The following NMT2 variants were observed in gnomAD, a reference collection of about 807,000 sequenced individuals.
NMT2 encodes N-myristoyltransferase 2.
Under a neutral mutation model 65.4 loss-of-function variants are expected in NMT2, and 35 were observed. The ratio of observed to expected loss-of-function variants is 0.54; its 90% CI spans 0.41 to 0.71. NMT2 has a LOEUF of 0.71. Among genes scored for constraint, NMT2 ranks in the 30% least tolerant of loss-of-function variants. NMT2 has a pLI of 0.00. For missense variants in NMT2, 489 were observed against 611.3 expected (o/e 0.80, Z 2.11); for synonymous variants, 226 against 231.8 (o/e 0.98, Z 0.23).
At chr10:15,167,027 C>A (rs1833399415) in intron 1 of NMT2, among the ~76,000 whole-genome samples, 1 of 152,200 alleles carries the variant, frequency 6.6e-6, no homozygotes, top group Admixed American at 6.5e-5. Context: ...TGAAGCTAAT[C>A]CATCAGCTTG....
intron 10 of NMT2, 76 bp downstream of exon 10, chr10:15,112,720 C>A: frequency 7.3e-7 from 1 of 1,366,846 alleles, no homozygotes. Context: ...TGGAAGAAAA[C>A]ACAGTAAGAT....
intron 10 of NMT2, 69 bp downstream of exon 10, chr10:15,112,727 A>G (rs937835735): frequency 3.6e-6 from 5 of 1,406,862 alleles, no homozygotes; most frequent in Non-Finnish European, 2.9e-6. Flanking sequence ...AAACACAGTA[A>G]GATGTCTTCT....
chr10:15,118,826 T>C (rs948315677), intron 9 of NMT2, among the ~76,000 whole-genome samples: 5 of 152,176 alleles, frequency 3.3e-5, no homozygotes, highest in Admixed American at 2.6e-4. Flanking sequence ...TGTGGTGAGC[T>C]ATTTGGCAAT....
intron 2 of NMT2, chr10:15,141,173 C>A: frequency 2.3e-6 from 2 of 851,818 alleles, no homozygotes; most frequent in South Asian, 3.4e-5. Context: ...AATCTAAATA[C>A]AAATTCACTG....
chr10:15,135,776 G>GC (rs1449318736), intron 2 of NMT2, among the ~76,000 whole-genome samples: 2 of 136,492 alleles, frequency 1.5e-5, no homozygotes, highest in African/African-American at 2.7e-5. Flanking sequence ...CACGAGCCTT[G>GC]GGTGGGGGGC....
chr10:15,165,370 G>A (rs7910847), intron 1 of NMT2, among the ~76,000 whole-genome samples: 1 of 152,014 alleles, frequency 6.6e-6, no homozygotes, highest in African/African-American at 2.4e-5. Flanking sequence ...TGCAAATCGT[G>A]TGTTAAAGTA....
At chr10:15,141,125 C>A in intron 2 of NMT2, 26 of 1,169,280 alleles carry the variant, frequency 2.2e-5, no homozygotes, top group Non-Finnish European at 3.2e-5. Context: ...TTCAAAAAAA[C>A]CTAACAAGCT....
rs1845417685 is a variant in NMT2, at chr10:15,109,137, G to T, written c.*58C>A. On this transcript the variant is annotated 3_prime_UTR_variant, in exon 12 of 12. Coordinates refer to ENST00000378165, the MANE Select transcript of NMT2 (RefSeq NM_004808.3). ...ATTCTTCTTTGGAATGGCAGTTCCA[G>T]AAATCATTAAATATTAACAAATGAT... The T allele has an allele frequency of 6.3e-7, 1 of 1,591,474 alleles. No homozygotes were observed. Among genetic ancestry groups the T allele is most frequent in the Non-Finnish European group, 8.5e-7 (1 of 1,173,144 alleles).
At chr10:15,144,909 A>C (rs1358296515) in intron 1 of NMT2, among the ~76,000 whole-genome samples, 1 of 152,230 alleles carries the variant, frequency 6.6e-6, no homozygotes, top group African/African-American at 2.4e-5. Flanking sequence ...TACATAACCA[A>C]GAGAAATGAA....
In NMT2 at chr10:15,106,817, G is replaced by A. The variant is rs1266869504; in HGVS notation, c.*2378C>T. 2.0e-5 allele frequency: 4 copies of A among 198,622 alleles called. No individual in the cohort carries two copies. Among genetic ancestry groups the A allele is most frequent in the African/African-American group, 4.7e-5 (2 of 42,348 alleles). The allele number at this position is 198,622 out of a possible 1,614,324, so 12.3% of individuals were successfully genotyped here. A position where few individuals can be genotyped will look rare whatever the true frequency, so the allele number is the denominator to read the frequency against. ...AGGCAATATGTAAATGAAAGTGGCT[G>A]TGGCCAAGAGTGGTGGCTCATGTCT... On this transcript the variant is annotated 3_prime_UTR_variant, in exon 12 of 12. Coordinates refer to ENST00000378165, the MANE Select transcript of NMT2 (RefSeq NM_004808.3).
chr10:15,133,332 T>C lies in NMT2; in HGVS notation c.423A>G (p.Glu141=). ...DEVITSHGAI[E]PDKDNVRQEP... ...CTTGGCGTACGTTGTCTTTATCTGG[T>C]TCAATTGCACCATGAGATGTTATGA... is the stretch of plus-strand genomic sequence containing the variant. Residue 141 remains glutamate (E), a synonymous_variant, in exon 4 of 12, where the codon GAA becomes GAG. Coordinates refer to ENST00000378165, the MANE Select transcript of NMT2 (RefSeq NM_004808.3). The C allele has an allele frequency of 6.2e-7, 1 of 1,613,930 alleles. No individual in the cohort carries two copies. Among genetic ancestry groups the C allele is most frequent in the Non-Finnish European group, 8.5e-7 (1 of 1,179,836 alleles).
At chr10:15,135,655 T>C (rs776141507) in intron 2 of NMT2, among the ~76,000 whole-genome samples, 2 of 152,172 alleles carry the variant, frequency 1.3e-5, no homozygotes, top group African/African-American at 2.4e-5. Context: ...GGAATCTAAA[T>C]TGAAGCACGC....
intron 10 of NMT2, among the ~76,000 whole-genome samples, chr10:15,112,040 G>C (rs1275796931): frequency 2.0e-5 from 3 of 149,780 alleles, no homozygotes; most frequent in African/African-American, 7.3e-5. Flanking sequence ...ATTAAATTTT[G>C]AATTTCATTC....
At chr10:15,149,681 A>G (rs1564585286) in intron 1 of NMT2, among the ~76,000 whole-genome samples, 1 of 152,024 alleles carries the variant, frequency 6.6e-6, no homozygotes, top group Admixed American at 6.6e-5. Flanking sequence ...CCCTACAGAT[A>G]TCAACTTTGT....
intron 6 of NMT2, among the ~76,000 whole-genome samples, chr10:15,132,522 G>C (rs558551856): frequency 3.3e-4 from 50 of 152,192 alleles, no homozygotes; most frequent in African/African-American, 1.2e-3. Flanking sequence ...CCGCCTCCTG[G>C]GTTCAAGCAA....
At chr10:15,136,502 G>A (rs1352877143) in intron 2 of NMT2, among the ~76,000 whole-genome samples, 3 of 151,266 alleles carry the variant, frequency 2.0e-5, no homozygotes, top group Non-Finnish European at 2.9e-5. Context: ...ATGGAAGGAA[G>A]GAAGGAAGGA....
chr10:15,110,401 G>A (rs1845470754), intron 10 of NMT2, among the ~76,000 whole-genome samples: 1 of 152,186 alleles, frequency 6.6e-6, no homozygotes, highest in African/African-American at 2.4e-5. Context: ...GCTCACTGGA[G>A]CCCAGGAATT....
chr10:15,123,504 G>A (rs1335648933), intron 8 of NMT2, among the ~76,000 whole-genome samples: 1 of 144,218 alleles, frequency 6.9e-6, no homozygotes, highest in Non-Finnish European at 1.5e-5. Context: ...ACTCCAGCCT[G>A]GCGACAAAGC....
chr10:15,128,466 A>G lies in NMT2; in HGVS notation c.891-8T>C. On this transcript the variant is annotated splice_region_variant and splice_polypyrimidine_tract_variant and intron_variant, in intron 7 of 11. Coordinates refer to ENST00000378165, the MANE Select transcript of NMT2 (RefSeq NM_004808.3). ...AGTGATCGATGCCAGTATCTGGAAT[A>G]CAATAAAGGTTTTAAAATCAAATTG... 6.7e-7 allele frequency: 1 copy of G among 1,502,486 alleles called. No individual in the cohort carries two copies. Among genetic ancestry groups the G allele is most frequent in the Non-Finnish European group, 9.2e-7 (1 of 1,086,348 alleles). The allele number at this position is 1,502,486 out of a possible 1,614,324, so 93.1% of individuals were successfully genotyped here.
Sources: allele counts gnomAD v4.1 joint callset (sites outside exome capture counted in the v4.1 genomes callset), GRCh38; gene constraint gnomAD v4.1.1; transcripts MANE v1.5; gene names NCBI Gene and HGNC (gene_info 2026-07-23, HGNC 2026-07-21).